LDLRAD4: variants seen among roughly 807,000 people sequenced by gnomAD.
The protein encoded by LDLRAD4 is low density lipoprotein receptor class A domain containing 4.
In LDLRAD4, 5 loss-of-function variants were observed where a neutral mutation model predicts 17.0. That is an observed-to-expected ratio of 0.29 (90% CI 0.15 to 0.62). The LOEUF (loss-of-function observed/expected upper bound fraction) is 0.62, where lower values mean the gene tolerates loss of function less well. LDLRAD4 is among the 20% of genes least tolerant of loss of function. The pLI, the probability that LDLRAD4 is intolerant of heterozygous loss-of-function variation, is 0.84. For missense variants in LDLRAD4, 340 were observed against 424.7 expected (o/e 0.80, Z 1.75); for synonymous variants, 168 against 171.8 (o/e 0.98, Z 0.17).
At chr18:13,620,864 C>T (rs1361783149) in intron 3 of LDLRAD4, 5 of 541,818 alleles carry the variant, frequency 9.2e-6, no homozygotes, top group East Asian at 5.8e-5. Flanking sequence ...TTTGTGGAGA[C>T]GTTCTCAGCT....
intron 2 of LDLRAD4, among the ~76,000 whole-genome samples, chr18:13,421,910 C>T (rs1600145301): frequency 6.6e-6 from 1 of 152,192 alleles, no homozygotes; most frequent in African/African-American, 2.4e-5. Flanking sequence ...CCTTGGGGCC[C>T]CTGCCGTGCC....
intron 3 of LDLRAD4, among the ~76,000 whole-genome samples, chr18:13,535,380 A>G (rs1029940210): frequency 6.6e-6 from 1 of 152,162 alleles, no homozygotes; most frequent in Non-Finnish European, 1.5e-5. Context: ...TGTGTAGTGC[A>G]TCTTACTGTT....
intron 1 of LDLRAD4, among the ~76,000 whole-genome samples, chr18:13,350,905 G>GT (rs2144385524): frequency 6.6e-6 from 1 of 152,248 alleles, no homozygotes; most frequent in Non-Finnish European, 1.5e-5. Context: ...CCCATTGCTT[G>GT]TTTTTGTACA....
intron 1 of LDLRAD4, among the ~76,000 whole-genome samples, chr18:13,339,968 C>A (rs1034227021): frequency 6.6e-6 from 1 of 152,128 alleles, no homozygotes; most frequent in African/African-American, 2.4e-5. Context: ...TCAGCCCTGG[C>A]AACTGCCATT....
At chr18:13,419,824 G>A (rs914544510) in intron 2 of LDLRAD4, 1 of 152,218 alleles carries the variant, frequency 6.6e-6, no homozygotes. Context: ...GCTGGTAGAA[G>A]ACTGGATGTA....
intron 3 of LDLRAD4, among the ~76,000 whole-genome samples, chr18:13,569,755 G>A (rs539676233): frequency 6.6e-6 from 1 of 152,256 alleles, no homozygotes; most frequent in Admixed American, 6.5e-5. Flanking sequence ...CTTGGTGGCA[G>A]GTGCCGGTAA....
chr18:13,274,034 G>A (rs1349460666), upstream of LDLRAD4, among the ~76,000 whole-genome samples: 6 of 152,298 alleles, frequency 3.9e-5, no homozygotes, highest in South Asian at 2.1e-4. Context: ...AGGGTATGGC[G>A]TGTGAGGAGC....
intron 1 of LDLRAD4, among the ~76,000 whole-genome samples, chr18:13,220,232 G>A (rs2041372736): frequency 6.6e-6 from 1 of 152,212 alleles, no homozygotes; most frequent in Non-Finnish European, 1.5e-5. Flanking sequence ...TTAGGGCTGG[G>A]AATGTAAATG....
At chr18:13,447,637 A>G (rs2091504324) in intron 3 of LDLRAD4, among the ~76,000 whole-genome samples, 1 of 152,218 alleles carries the variant, frequency 6.6e-6, no homozygotes, top group Admixed American at 6.5e-5. Flanking sequence ...TTCTTTAAAT[A>G]TTTAGTAGTC....
intron 1 of LDLRAD4, among the ~76,000 whole-genome samples, chr18:13,259,536 G>A (rs760355002): frequency 2.0e-5 from 3 of 152,102 alleles, no homozygotes; most frequent in Non-Finnish European, 4.4e-5. Context: ...ATCCCACGTC[G>A]GTAGCTCTTA....
chr18:13,354,077 T>G (rs1331823988), intron 1 of LDLRAD4, among the ~76,000 whole-genome samples: 1 of 152,170 alleles, frequency 6.6e-6, no homozygotes, highest in African/African-American at 2.4e-5. Flanking sequence ...GGCATGGTGG[T>G]GCACACCTGT....
chr18:13,276,277 G>A (rs894982898), upstream of LDLRAD4, among the ~76,000 whole-genome samples: 12 of 152,118 alleles, frequency 7.9e-5, no homozygotes, highest in African/African-American at 2.9e-4. Flanking sequence ...CAAAGTACAG[G>A]AATTACAGAC....
chr18:13,467,577 C>T (rs1027981534), intron 3 of LDLRAD4, among the ~76,000 whole-genome samples: 2 of 152,198 alleles, frequency 1.3e-5, no homozygotes, highest in African/African-American at 4.8e-5. Flanking sequence ...CTACCTAAAG[C>T]CATCTACAGA....
At chr18:13,584,681 T>G (rs558558216) in intron 3 of LDLRAD4, among the ~76,000 whole-genome samples, 5 of 152,348 alleles carry the variant, frequency 3.3e-5, no homozygotes, top group African/African-American at 1.2e-4. Flanking sequence ...TTATTGTGCT[T>G]AATCCTAGGG....
intron 2 of LDLRAD4, chr18:13,419,702 T>C (rs1354656890): frequency 6.6e-6 from 1 of 152,220 alleles, no homozygotes; most frequent in Non-Finnish European, 1.5e-5. Context: ...CACCATGTTA[T>C]AGCCTCTCCC....
chr18:13,652,388 T>C (rs2043282747), exon 6 of LDLRAD4: 1 of 152,300 alleles, frequency 6.6e-6, no homozygotes, highest in Admixed American at 6.5e-5. Flanking sequence ...TCACAGCATT[T>C]AGTTCGTTTA....
rs1164177544 is a variant in LDLRAD4, at chr18:13,372,148, C to G, written c.-382-15193C>G. ...ACACTTGATCTATTGTCGAATTCACCAAGCACTGCCGTGTGCCCTTGCCAG... is the reference window on the plus strand; with the variant it reads ...ACACTTGATCTATTGTCGAATTCACGAAGCACTGCCGTGTGCCCTTGCCAG... On this transcript the variant is annotated intron_variant, in intron 1 of 5. Transcript: ENST00000359446. Among the ~76,000 whole-genome samples the G allele has an allele frequency of 3.3e-5, 5 of 152,206 alleles. No homozygotes were observed. In the East Asian group the frequency reaches 9.6e-4, roughly 29 times the overall value.
intron 3 of LDLRAD4, among the ~76,000 whole-genome samples, chr18:13,551,733 C>G (rs540473272): frequency 6.6e-6 from 1 of 152,126 alleles, no homozygotes; most frequent in Admixed American, 6.5e-5. Context: ...AAGACCCTGA[C>G]CTGCCATGAA....
At chr18:13,616,384 T>C (rs1468812545) in intron 3 of LDLRAD4, among the ~76,000 whole-genome samples, 3 of 152,304 alleles carry the variant, frequency 2.0e-5, no homozygotes, top group Non-Finnish European at 4.4e-5. Context: ...ACTGCAGTTT[T>C]CACTTTGAGG....
Sources: allele counts gnomAD v4.1 joint callset (sites outside exome capture counted in the v4.1 genomes callset), GRCh38; gene constraint gnomAD v4.1.1; transcripts MANE v1.5; gene names NCBI Gene and HGNC (gene_info 2026-07-23, HGNC 2026-07-21).